The following ABCA6 variants were observed in gnomAD, a reference collection of about 807,000 sequenced individuals.
ABCA6 encodes the protein ATP binding cassette subfamily A member 6.
In ABCA6, 164 loss-of-function variants were observed where a neutral mutation model predicts 191.2. That is an observed-to-expected ratio of 0.86 (90% CI 0.76 to 0.98). ABCA6 has a LOEUF of 0.98. ABCA6 is among the 50% of genes least tolerant of loss of function. ABCA6 has a pLI of 0.00. For synonymous variants in ABCA6, 636 were observed against 647.7 expected (o/e 0.98, Z 0.27); for missense variants, 1,958 against 1,894.1 (o/e 1.03, Z -0.63).
chr17:69,091,193 C>A lies in ABCA6; in HGVS notation c.3478G>T (p.Val1160Leu). 2 of 1,611,694 alleles carry A rather than the reference C, an allele frequency of 1.2e-6. No homozygotes were observed. Among genetic ancestry groups the A allele is most frequent in the Non-Finnish European group, 1.7e-6 (2 of 1,179,194 alleles). ...AGCAAGGTATATGAAGGAACCAATACCATGGTGGTAATCAATATACTTAGG... is the reference window on the plus strand; with the variant it reads ...AGCAAGGTATATGAAGGAACCAATAACATGGTGGTAATCAATATACTTAGG... ...FDLSILITTM[V>L]LVPSYTLLGF... Residue 1160 changes from valine (V) to leucine (L), a missense_variant, in exon 26 of 39, where the codon GTA (valine) becomes TTA (leucine). Transcript: ENST00000284425.
Position 69,101,224 on chromosome 17 carries a change from T to C in ABCA6, c.2875-290A>G, listed in dbSNP as rs75678241. ...CTAATTTTAGATAATTTTGTCTCCA[T>C]TTTGCTGATGGGGAAATTTCATTTA... is the stretch of plus-strand genomic sequence containing the variant. On this transcript the variant is annotated intron_variant, in intron 21 of 38. Transcript: ENST00000284425. 9.3e-3 allele frequency among the ~76,000 whole-genome samples: 1,411 copies of C among 152,282 alleles called. 14 individuals are homozygous for C. The highest frequency in any genetic ancestry group is 0.031 in the African/African-American group (1,298 of 41,554).
intron 4 of ABCA6, chr17:69,135,656 C>T: frequency 4.3e-6 from 1 of 233,190 alleles, no homozygotes; most frequent in Admixed American, 5.6e-5. Flanking sequence ...TCTAGCACCT[C>T]ACACCTGCTA....
At chr17:69,112,072 T>G in intron 16 of ABCA6, 111 bp downstream of exon 16, 1 of 790,452 alleles carries the variant, frequency 1.3e-6, no homozygotes, top group Non-Finnish European at 2.2e-6. Context: ...CACTGATCAA[T>G]CCAGTATGGT....
intron 8 of ABCA6, 48 bp from the exon 9 acceptor site, chr17:69,125,083 A>T (rs1190844760): frequency 2.9e-5 from 30 of 1,027,102 alleles, no homozygotes; most frequent in Non-Finnish European, 3.9e-5. Context: ...ATAAATAAAT[A>T]GCTTGGCATA....
At chr17:69,081,602 T>C (rs1305027978) in intron 36 of ABCA6, among the ~76,000 whole-genome samples, 5 of 152,224 alleles carry the variant, frequency 3.3e-5, no homozygotes, top group South Asian at 2.1e-4. Context: ...CAAAAGTAAA[T>C]TCAGGACTAT....
intron 10 of ABCA6, among the ~76,000 whole-genome samples, chr17:69,118,508 C>T (rs1598043047): frequency 6.6e-6 from 1 of 151,976 alleles, no homozygotes. Flanking sequence ...ACCTTTAATT[C>T]CTCTTCAATT....
At chr17:69,118,718 A>G (rs1001913599) in intron 10 of ABCA6, among the ~76,000 whole-genome samples, 1 of 151,938 alleles carries the variant, frequency 6.6e-6, no homozygotes, top group Non-Finnish European at 1.5e-5. Context: ...CTGTTTCCTA[A>G]TAAAGTCCTC....
chr17:69,140,640 T>G lies in ABCA6; in HGVS notation c.64A>C (p.Lys22Gln), dbSNP rs368598188. The G allele has an allele frequency of 1.6e-5, 25 of 1,599,992 alleles. No homozygotes were observed. The highest frequency in any genetic ancestry group is 2.0e-5 in the Non-Finnish European group (23 of 1,173,780). ...CTCTCTCTTTTCATCCTCCATTTCT[T>G]AAGAAAATTCTTGCACAGAAGTGCT... ...TKALLCKNFL[K>Q]KWRMKRESLL... The change falls in exon 2 of 39, where the codon AAG (lysine) becomes CAG (glutamine). Residue 22 changes from lysine to glutamine, a missense_variant. By Grantham distance (53) the Lys-to-Gln change is moderately conservative. Coordinates refer to ENST00000284425, the MANE Select transcript of ABCA6 (RefSeq NM_080284.3).
intron 21 of ABCA6, 52 bp downstream of exon 21, chr17:69,102,783 C>A: frequency 6.6e-7 from 1 of 1,523,262 alleles, no homozygotes; most frequent in Non-Finnish European, 8.8e-7. Flanking sequence ...TTTAAAACAG[C>A]TAAAATGTAG....
Position 69,129,632 on chromosome 17 carries a change from A to G in ABCA6, c.911T>C (p.Phe304Ser), listed in dbSNP as rs1568033084. 1 of 1,596,516 alleles carries G rather than the reference A, an allele frequency of 6.3e-7. No homozygotes were observed. The highest frequency in any genetic ancestry group is 1.1e-5 in the South Asian group (1 of 89,014). Reference protein sequence around the residue: ...MTGFMVIFILFFLYGLSLVAL... With the variant: ...MTGFMVIFILSFLYGLSLVAL... ...TACCAAAGATAAGCCATATAAAAAA[A>G]AGAGTATAAATATGACCATGAAGCC... The change falls in exon 7 of 39, where the codon TTT becomes TCT. Residue 304 changes from phenylalanine to serine, a missense_variant. Transcript: ENST00000284425.
At chr17:69,140,849 C>T (rs2074016298) in intron 1 of ABCA6, 101 bp from the exon 2 acceptor site, 3 of 431,724 alleles carry the variant, frequency 6.9e-6, no homozygotes, top group Non-Finnish European at 1.2e-5. Flanking sequence ...AATATTATTT[C>T]AATAATTTAT....
rs748632766 is a variant in ABCA6, at chr17:69,113,286, C to G, written c.1977G>C (p.Glu659Asp). 2.6e-5 allele frequency: 41 copies of G among 1,602,412 alleles called. No individual in the cohort carries two copies. The highest frequency in any genetic ancestry group is 5.4e-5 in the African/African-American group (4 of 73,898). Residue 659 changes from glutamate to aspartate, a missense_variant, in exon 15 of 39, where the codon GAG (glutamate) becomes GAC (aspartate). Glu to Asp is a conservative substitution (Grantham distance 45, BLOSUM62 2). Transcript: ENST00000284425. ...AAAGGATCACATGATCTGCTCTACG[C>G]TCTCTCAGGAGGCTCCACACTTGAT... ...SRDQVWSLLRERRADHVILFS... is the reference protein window; with the variant it reads ...SRDQVWSLLRDRRADHVILFS...
intron 8 of ABCA6, among the ~76,000 whole-genome samples, chr17:69,128,102 T>C (rs1178819406): frequency 1.3e-5 from 2 of 152,072 alleles, no homozygotes; most frequent in African/African-American, 4.8e-5. Context: ...AGCAAATAAG[T>C]GAATATCATA....
chr17:69,138,734 G>A (rs1329496846), intron 2 of ABCA6, among the ~76,000 whole-genome samples: 7 of 150,504 alleles, frequency 4.7e-5, no homozygotes, highest in African/African-American at 1.7e-4. Context: ...CATGGTACTG[G>A]TACCAAAACA....
At chr17:69,117,138 A>C (rs1278460470) in intron 11 of ABCA6, among the ~76,000 whole-genome samples, 1 of 152,050 alleles carries the variant, frequency 6.6e-6, no homozygotes, top group Non-Finnish European at 1.5e-5. Context: ...ATTCTCAAAG[A>C]CCTAATCTAA....
chr17:69,088,867 G>A (rs2072864362), intron 27 of ABCA6, among the ~76,000 whole-genome samples: 1 of 152,124 alleles, frequency 6.6e-6, no homozygotes, highest in South Asian at 2.1e-4. Flanking sequence ...TGGCCTGGCT[G>A]ACCCTGGATT....
intron 6 of ABCA6, among the ~76,000 whole-genome samples, chr17:69,132,013 T>A (rs2073871578): frequency 6.6e-6 from 1 of 152,080 alleles, no homozygotes; most frequent in Non-Finnish European, 1.5e-5. Flanking sequence ...TGCAAAAACT[T>A]CTTCTCTCTT....
chr17:69,088,191 C>A lies in ABCA6; in HGVS notation c.3674G>T (p.Arg1225Ile). The change falls in exon 28 of 39, where the codon AGA becomes ATA. Residue 1225 changes from arginine (R) to isoleucine (I), a missense_variant. By Grantham distance (97) the Arg-to-Ile change is moderately conservative (BLOSUM62 -3). Transcript: ENST00000284425. ...CCTGAAAACAGGATCTTTTCGCATT[C>A]TTTTCTTTCCACATTTTAGTTCCAT... ...RCMELKCGKK[R>I]MRKDPVFRIS... 1.9e-6 allele frequency: 3 copies of A among 1,612,214 alleles called. No homozygotes were observed.
chr17:69,084,180 G>T, intron 34 of ABCA6, 81 bp downstream of exon 34: 2 of 1,312,450 alleles, frequency 1.5e-6, no homozygotes, highest in East Asian at 4.7e-5. Context: ...TGGGTTTGAG[G>T]GCTGATTTTC....
Sources: gnomAD v4.1 joint callset for allele counts (sites outside exome capture counted in the v4.1 genomes callset) on GRCh38, gnomAD v4.1.1 for gene constraint, MANE v1.5 for transcripts, NCBI Gene and HGNC (gene_info 2026-07-23, HGNC 2026-07-21) for gene names.